The following JAKMIP1 variants were observed in gnomAD, a reference collection of about 807,000 sequenced individuals.
JAKMIP1 encodes janus kinase and microtubule-interacting protein 1.
Under a neutral mutation model 113.0 loss-of-function variants are expected in JAKMIP1, and 33 were observed. The observed-to-expected ratio is 0.29, with a 90% CI of 0.22 to 0.39. The LOEUF is 0.39. Among genes scored for constraint, JAKMIP1 ranks in the 10% least tolerant of loss-of-function variants. JAKMIP1 has a pLI of 1.00. For missense variants in JAKMIP1, 813 were observed against 1,080.5 expected, an observed-to-expected ratio of 0.75 and a Z score of 3.47; for synonymous variants, 480 against 459.9, an observed-to-expected ratio of 1.04 and a Z score of -0.56.
In JAKMIP1 at chr4:6,084,838, C is replaced by A; in HGVS notation, c.954+8G>T. 6.2e-7 allele frequency: 1 copy of A among 1,609,856 alleles called. No individual in the cohort carries two copies. Among genetic ancestry groups the A allele is most frequent in the Non-Finnish European group, 8.5e-7 (1 of 1,178,842 alleles). ...ATGAGGCACCGCCTGTCTCTTGGGG[C>A]TACTTACCAGTTCATTCCTCTCATC... On this transcript the variant is annotated splice_region_variant and intron_variant, in intron 5 of 20. Transcript: ENST00000409021.
rs1726314710 is a variant in JAKMIP1, at chr4:6,183,647, G to A, written c.-148+16606C>T. ...CAGGAGTCAAAGGTCTGGAGCAACA[G>A]ATGCTTGACTTCTTTTTTCTAGGTG... On this transcript the variant is annotated intron_variant, in intron 1 of 20. Coordinates refer to ENST00000409021, the MANE Select transcript of JAKMIP1 (RefSeq NM_001099433.2). The surrounding 1 kb of genome is among the most constrained non-coding windows in gnomAD (Gnocchi z 5.3). Among the ~76,000 whole-genome samples the A allele has an allele frequency of 6.6e-6, 1 of 152,084 alleles. No individual in the cohort carries two copies. Among genetic ancestry groups the A allele is most frequent in the Non-Finnish European group, 1.5e-5 (1 of 68,008 alleles).
chr4:6,069,644 T>G lies in JAKMIP1; in HGVS notation c.1303-4636A>C, dbSNP rs1183692793. 6.6e-6 allele frequency among the ~76,000 whole-genome samples: 1 copy of G among 151,980 alleles called. No homozygotes were observed. Among genetic ancestry groups the G allele is most frequent in the Non-Finnish European group, 1.5e-5 (1 of 68,008 alleles). On this transcript the variant is annotated intron_variant, in intron 8 of 20. Transcript: ENST00000409021. The surrounding 1 kb of genome is among the most constrained non-coding windows in gnomAD (Gnocchi z 4.5). ...GGCTGACGCCTGTAGTCCCAGCTAC[T>G]TGGGAGGCTGAGGTGGAAAGATTAC...
intron 1 of JAKMIP1, among the ~76,000 whole-genome samples, chr4:6,164,250 A>T (rs531413050): frequency 8.5e-5 from 13 of 152,252 alleles, no homozygotes; most frequent in Non-Finnish European, 1.5e-4. Flanking sequence ...AGTTGAAGCC[A>T]ATGCTCATTT....
Position 6,108,162 on chromosome 4 carries a change from C to G in JAKMIP1, c.130-2195G>C, listed in dbSNP as rs1714282858. 6.6e-6 allele frequency among the ~76,000 whole-genome samples: 1 copy of G among 152,056 alleles called. No homozygotes were observed. Among genetic ancestry groups the G allele is most frequent in the African/African-American group, 2.4e-5 (1 of 41,380 alleles). On this transcript the variant is annotated intron_variant, in intron 2 of 20. Transcript: ENST00000409021. The surrounding 1 kb of genome is among the most constrained non-coding windows in gnomAD (Gnocchi z 5.6). Reference sequence around the variant, plus strand: ...GCAGGGGCCTGGGGACAGGGCCCTGCTGGGTCCCTCCAGCTCTGCCCAAAG... The same window carrying G: ...GCAGGGGCCTGGGGACAGGGCCCTGGTGGGTCCCTCCAGCTCTGCCCAAAG...
At chr4:6,148,032 G>A (rs1415801166) in intron 1 of JAKMIP1, among the ~76,000 whole-genome samples, 2 of 152,224 alleles carry the variant, frequency 1.3e-5, no homozygotes, top group Non-Finnish European at 2.9e-5. Context: ...CCGTGTCTTA[G>A]TCATCTTTGT....
At position 6,031,357 on chromosome 4, in the gene JAKMIP1, C is replaced by T. The variant is rs535285006; in HGVS notation, c.2380-1576G>A. 1.3e-4 allele frequency among the ~76,000 whole-genome samples: 19 copies of T among 151,990 alleles called. No homozygotes were observed. The highest frequency in any genetic ancestry group is 1.8e-4 in the Non-Finnish European group (12 of 67,996). ...GCTTGAACCTGGGAGGTGGAGGTTG[C>T]GGTGAGCTGAGATCGCGCCATTGCA... On this transcript the variant is annotated intron_variant, in intron 19 of 20. Transcript: ENST00000409021. This position sits in a 1 kb window ranked among gnomAD's most constrained non-coding sequence, Gnocchi z 4.4.
chr4:6,127,679 C>G (rs551902253), intron 1 of JAKMIP1, among the ~76,000 whole-genome samples: 8 of 152,308 alleles, frequency 5.3e-5, no homozygotes, highest in African/African-American at 1.9e-4. Flanking sequence ...CAGGCCACAT[C>G]CCCCCTTCAC....
At chr4:6,124,570 A>G (rs1027224275) in intron 1 of JAKMIP1, among the ~76,000 whole-genome samples, 1 of 152,184 alleles carries the variant, frequency 6.6e-6, no homozygotes, top group African/African-American at 2.4e-5. Flanking sequence ...GTCTAGGCCT[A>G]TATGCCAATC....
At chr4:6,109,242 C>G (rs1289571813) in intron 2 of JAKMIP1, among the ~76,000 whole-genome samples, 2 of 150,404 alleles carry the variant, frequency 1.3e-5, no homozygotes, top group African/African-American at 2.4e-5. Context: ...ACGCCATTCT[C>G]CTGCCTCAGC....
chr4:6,177,660 C>G (rs896790064), intron 1 of JAKMIP1, among the ~76,000 whole-genome samples: 2 of 152,184 alleles, frequency 1.3e-5, no homozygotes, highest in Non-Finnish European at 2.9e-5. Context: ...ACTGCAGGGT[C>G]TGAAGCAGAG....
chr4:6,049,043 T>C lies in JAKMIP1; in HGVS notation c.1963-121A>G. 1 of 746,298 alleles carries C rather than the reference T, an allele frequency of 1.3e-6. No individual in the cohort carries two copies. Among genetic ancestry groups the C allele is most frequent in the Admixed American group, 2.2e-5 (1 of 45,848 alleles). The allele number at this position is 746,298 out of a possible 1,614,324, so 46.2% of individuals were successfully genotyped here. On this transcript the variant is annotated intron_variant, in intron 15 of 20. Coordinates refer to ENST00000409021, the MANE Select transcript of JAKMIP1 (RefSeq NM_001099433.2). The surrounding 1 kb of genome is among the most constrained non-coding windows in gnomAD (Gnocchi z 7.0). ...TGTTTGTTTTATTATGTTTGTTTGT[T>C]TTGAGACGGAGTCTCTCTCTGTCAC... is the stretch of plus-strand genomic sequence containing the variant.
rs998962061 is a variant in JAKMIP1 at position 6,076,326 on chromosome 4, C to T, written c.1302+2613G>A. 6.6e-6 allele frequency among the ~76,000 whole-genome samples: 1 copy of T among 152,128 alleles called. No individual in the cohort carries two copies. Among genetic ancestry groups the T allele is most frequent in the Non-Finnish European group, 1.5e-5 (1 of 68,030 alleles). On this transcript the variant is annotated intron_variant, in intron 8 of 20. Transcript: ENST00000409021. The surrounding 1 kb of genome is among the most constrained non-coding windows in gnomAD (Gnocchi z 4.8). ...GTTCGACTTGGCTTGGTGGGAAAAG[C>T]TTGGGCCTTGTAGTCTCAGACTTGA...
chr4:6,057,571 T>C (rs1268324898), intron 11 of JAKMIP1, among the ~76,000 whole-genome samples: 1 of 152,222 alleles, frequency 6.6e-6, no homozygotes, highest in Non-Finnish European at 1.5e-5. Context: ...CTCATGCTGA[T>C]CCATGTGTGG....
At chr4:6,046,409 G>A (rs546850926) in intron 16 of JAKMIP1, among the ~76,000 whole-genome samples, 5 of 152,354 alleles carry the variant, frequency 3.3e-5, no homozygotes, top group East Asian at 3.9e-4. Context: ...CCTCAAAGAC[G>A]CGGAGCTGGG....
chr4:6,081,819 C>A lies in JAKMIP1; in HGVS notation c.955-64G>T. ...ACGACGGACGGCCGAGGTCACAGCACCGAGGTGAGCAGAGACTCAACCCAG... is the reference window on the plus strand; with the variant it reads ...ACGACGGACGGCCGAGGTCACAGCAACGAGGTGAGCAGAGACTCAACCCAG... On this transcript the variant is annotated intron_variant, in intron 5 of 20. Coordinates refer to ENST00000409021, the MANE Select transcript of JAKMIP1 (RefSeq NM_001099433.2). The surrounding 1 kb of genome is among the most constrained non-coding windows in gnomAD (Gnocchi z 4.6). The A allele has an allele frequency of 6.3e-7, 1 of 1,595,160 alleles. No individual in the cohort carries two copies. The highest frequency in any genetic ancestry group is 1.1e-5 in the South Asian group (1 of 89,346).
At chr4:6,057,593 C>T (rs1264447360) in intron 11 of JAKMIP1, among the ~76,000 whole-genome samples, 1 of 152,248 alleles carries the variant, frequency 6.6e-6, no homozygotes, top group African/African-American at 2.4e-5. Flanking sequence ...CCTCACCAGG[C>T]TGCGAGCACC....
intron 12 of JAKMIP1, 127 bp from the exon 13 acceptor site, chr4:6,054,275 G>A: frequency 6.9e-6 from 6 of 863,370 alleles, no homozygotes; most frequent in Non-Finnish European, 1.1e-5. Flanking sequence ...GGCAGGAGAG[G>A]GCAGGGTTTG....
At chr4:6,077,770 C>G (rs943168895) in intron 8 of JAKMIP1, among the ~76,000 whole-genome samples, 2 of 152,104 alleles carry the variant, frequency 1.3e-5, no homozygotes, top group African/African-American at 4.8e-5. Context: ...AGGCATGAGC[C>G]ACTGTGCCCG....
At chr4:6,130,358 G>C (rs1718327649) in intron 1 of JAKMIP1, among the ~76,000 whole-genome samples, 1 of 152,188 alleles carries the variant, frequency 6.6e-6, no homozygotes, top group Admixed American at 6.5e-5. Flanking sequence ...AGACAACTGA[G>C]GTCATAGGAC....
Sources: gnomAD v4.1 joint callset for allele counts (sites outside exome capture counted in the v4.1 genomes callset) on GRCh38, gnomAD v4.1.1 for gene constraint, Gnocchi (gnomAD v3.1) non-coding constraint, MANE v1.5 for transcripts, NCBI Gene and HGNC (gene_info 2026-07-23, HGNC 2026-07-21) for gene names.